Variants in IFT57 observed in about 807,000 individuals in gnomAD.
IFT57 encodes intraflagellar transport 57, also known as intraflagellar transport protein 57 homolog.
In IFT57, 59 loss-of-function variants were observed where a neutral mutation model predicts 56.8. The ratio of observed to expected loss-of-function variants is 1.04; its 90% CI spans 0.84 to 1.29. The LOEUF is 1.29. Ranked by LOEUF, IFT57 falls within the 50% of genes most tolerant of loss-of-function variation. The probability of loss-of-function intolerance (pLI) is 0.00; values close to 1 mark genes in which losing one functional copy is unlikely to be tolerated. For missense variants in IFT57, 470 were observed against 522.1 expected (o/e 0.90, Z 0.97); for synonymous variants, 209 against 186.1 (o/e 1.12, Z -1.00).
At chr3:108,186,343 T>TGGGGATAA (rs2080182113) in intron 6 of IFT57, among the ~76,000 whole-genome samples, 1 of 143,404 alleles carries the variant, frequency 7.0e-6, no homozygotes, top group South Asian at 2.2e-4. Flanking sequence ...AAAATGTTGG[T>TGGGGATAA]GGGGATAACA....
chr3:108,171,373 TAAAG>T (rs1171433548), intron 6 of IFT57, among the ~76,000 whole-genome samples: 1 of 151,768 alleles, frequency 6.6e-6, no homozygotes, highest in African/African-American at 2.4e-5. Flanking sequence ...CAGTTTGACG[TAAAG>T]AAAGGGGGCA....
chr3:108,177,774 AT>A lies in IFT57; in HGVS notation c.778-9911del, dbSNP rs1263978220. Among the ~76,000 whole-genome samples, 2 of 151,846 alleles carry A rather than the reference AT, an allele frequency of 1.3e-5. 1 individual carries two copies. The highest frequency in any genetic ancestry group is 4.8e-5 in the African/African-American group (2 of 41,406). On this transcript the variant is annotated intron_variant, in intron 6 of 10. Coordinates refer to ENST00000264538, the MANE Select transcript of IFT57 (RefSeq NM_018010.4). ...TATCATACTTAATGGTGAAACTGAAATACTGGAAGCATTCTCCCTGATAACA... is the reference window on the plus strand; with the variant it reads ...TATCATACTTAATGGTGAAACTGAAAACTGGAAGCATTCTCCCTGATAACA...
At chr3:108,178,602 G>T (rs928391363) in intron 6 of IFT57, among the ~76,000 whole-genome samples, 6 of 151,876 alleles carry the variant, frequency 4.0e-5, no homozygotes, top group Non-Finnish European at 7.4e-5. Flanking sequence ...AAACACAAAA[G>T]AAGATATCCA....
At chr3:108,205,841 T>A (rs1365088746) in intron 5 of IFT57, among the ~76,000 whole-genome samples, 4 of 81,546 alleles carry the variant, frequency 4.9e-5, no homozygotes, top group African/African-American at 1.3e-4. Context: ...TATTATTTAA[T>A]TAATTTAACA....
intron 3 of IFT57, among the ~76,000 whole-genome samples, chr3:108,217,593 A>C (rs755597510): frequency 6.6e-6 from 1 of 151,978 alleles, no homozygotes; most frequent in Non-Finnish European, 1.5e-5. Flanking sequence ...TAATTCAAGG[A>C]AGTTATTAAA....
At chr3:108,173,744 G>C (rs1351328026) in intron 6 of IFT57, among the ~76,000 whole-genome samples, 1 of 148,558 alleles carries the variant, frequency 6.7e-6, no homozygotes, top group Non-Finnish European at 1.5e-5. Flanking sequence ...TTGTTAAGTT[G>C]AACCATGGTA....
chr3:108,196,536 T>G (rs1434876488), intron 5 of IFT57, among the ~76,000 whole-genome samples: 1 of 152,194 alleles, frequency 6.6e-6, no homozygotes, highest in South Asian at 2.1e-4. Flanking sequence ...TGCCACTGCA[T>G]AAGCTATTTG....
In IFT57 at chr3:108,167,876, G is replaced by A. The variant is rs747090894; in HGVS notation, c.778-12C>T. On this transcript the variant is annotated splice_polypyrimidine_tract_variant and intron_variant, in intron 6 of 10. Coordinates refer to ENST00000264538, the MANE Select transcript of IFT57 (RefSeq NM_018010.4). ...TGGATTCTCCAATCCTACAGGCATA[G>A]AGCACATAGAAATAATGTAAAAAAT... 1 of 1,559,392 alleles carries A rather than the reference G, an allele frequency of 6.4e-7. No individual in the cohort carries two copies. Among genetic ancestry groups the A allele is most frequent in the Admixed American group, 2.0e-5 (1 of 50,770 alleles).
chr3:108,217,447 G>A (rs1560129514), intron 3 of IFT57, among the ~76,000 whole-genome samples: 1 of 151,888 alleles, frequency 6.6e-6, no homozygotes, highest in Non-Finnish European at 1.5e-5. Flanking sequence ...ATTTAATAAA[G>A]TATTATGGAC....
At chr3:108,206,560 A>G in intron 5 of IFT57, 68 bp downstream of exon 5, 1 of 677,682 alleles carries the variant, frequency 1.5e-6, no homozygotes, top group Non-Finnish European at 2.3e-6. Context: ...GTTTCTACTC[A>G]TTTAAATTTC....
intron 5 of IFT57, among the ~76,000 whole-genome samples, chr3:108,199,883 A>C (rs535483991): frequency 6.6e-6 from 1 of 152,330 alleles, no homozygotes; most frequent in Admixed American, 6.5e-5. Flanking sequence ...TGAACATTTG[A>C]GTCAGGTAGA....
At chr3:108,163,611 A>C in intron 10 of IFT57, 52 bp downstream of exon 10, 4 of 1,187,592 alleles carry the variant, frequency 3.4e-6, no homozygotes, top group Non-Finnish European at 5.0e-6. Flanking sequence ...GGTTTCTTGA[A>C]GAGCTATTTT....
chr3:108,183,535 G>A (rs1018430349), intron 6 of IFT57, among the ~76,000 whole-genome samples: 1 of 152,070 alleles, frequency 6.6e-6, no homozygotes, highest in Non-Finnish European at 1.5e-5. Flanking sequence ...CCTGCTTCTA[G>A]TTTAGCCCAC....
chr3:108,166,875 T>A lies in IFT57; in HGVS notation c.960A>T (p.Ala320=), dbSNP rs751569421. Residue 320 remains alanine, a synonymous_variant, in exon 8 of 11, where the codon GCA becomes GCT. Transcript: ENST00000264538. ...TTACCTCACTCAGCTGGGCTTGAGC[T>A]GCACGATATTCTTGAACCAAATTCT... ...QLENLVQEYR[A]AQAQLSEAKE... is the part of the protein sequence containing the mutation. The A allele has an allele frequency of 6.2e-7, 1 of 1,611,250 alleles. No individual in the cohort carries two copies. Among genetic ancestry groups the A allele is most frequent in the Non-Finnish European group, 8.5e-7 (1 of 1,178,462 alleles).
Position 108,193,010 on chromosome 3 carries a change from G to A in IFT57, c.655-1367C>T, listed in dbSNP as rs934478281. On this transcript the variant is annotated intron_variant, in intron 5 of 10. Transcript: ENST00000264538. ...TTAACAACTGTTGAAACTGGATAGC[G>A]TGGCATGTTCATTATCTTATTCTAA... Among the ~76,000 whole-genome samples the A allele has an allele frequency of 5.3e-5, 8 of 152,210 alleles. No individual in the cohort carries two copies. In the East Asian group the frequency reaches 9.6e-4, roughly 18 times the overall value.
chr3:108,172,447 G>A (rs2080099123), intron 6 of IFT57, among the ~76,000 whole-genome samples: 1 of 151,872 alleles, frequency 6.6e-6, no homozygotes, highest in Non-Finnish European at 1.5e-5. Flanking sequence ...GGAGCTATCA[G>A]ATATTTTTGG....
rs779269200 is a variant in IFT57 at position 108,162,530 on chromosome 3, T to A, written c.1237A>T (p.Thr413Ser). ...QSKLKEKSNM[T>S]RNMHATVIPE... ...ATAACTGTGGCATGCATGTTCCTAG[T>A]CATGTTGGACTTCTCCTTCAGCTTT... The change falls in exon 11 of 11, where the codon ACT becomes TCT. Residue 413 changes from threonine (T) to serine (S), a missense_variant. Physicochemically the swap from Thr to Ser is moderately conservative, Grantham distance 58. Transcript: ENST00000264538. 6.2e-7 allele frequency: 1 copy of A among 1,611,978 alleles called. No individual in the cohort carries two copies. Among genetic ancestry groups the A allele is most frequent in the South Asian group, 1.1e-5 (1 of 90,802 alleles).
intron 4 of IFT57, among the ~76,000 whole-genome samples, chr3:108,211,036 G>A (rs574827835): frequency 3.3e-5 from 5 of 152,300 alleles, no homozygotes; most frequent in South Asian, 4.2e-4. Context: ...ACGATGTGCC[G>A]ATAGTTTGAT....
chr3:108,186,240 CTG>C lies in IFT57; in HGVS notation c.777+5279_777+5280del, dbSNP rs368278053. Among the ~76,000 whole-genome samples the C allele has an allele frequency of 3.1e-4, 47 of 150,920 alleles. 2 individuals are homozygous for C. In the South Asian group the frequency reaches 9.6e-3, roughly 31 times the overall value. ...TAAAACAAATTCCTGCTGAAGAAAA[CTG>C]TGCCAGATGTTGTGCAGGACTTCAC... On this transcript the variant is annotated intron_variant, in intron 6 of 10. Transcript: ENST00000264538.
Sources: allele counts gnomAD v4.1 joint callset (sites outside exome capture counted in the v4.1 genomes callset), GRCh38; gene constraint gnomAD v4.1.1; transcripts MANE v1.5; gene names NCBI Gene and HGNC (gene_info 2026-07-23, HGNC 2026-07-21).